The following RSF1 variants were observed in gnomAD, a reference collection of about 807,000 sequenced individuals.
The protein encoded by RSF1 is HBV pX-associated protein 8.
A neutral mutation model predicts 145.2 loss-of-function variants in RSF1; 13 were observed. That is an observed-to-expected ratio of 0.09 (90% CI 0.06 to 0.14). The LOEUF is 0.14. Ranked by LOEUF, RSF1 falls within the 10% of genes least tolerant of loss-of-function variation. The probability of loss-of-function intolerance (pLI) is 1.00; values close to 1 mark genes in which losing one functional copy is unlikely to be tolerated. For missense variants in RSF1, 1,517 were observed against 1,718.2 expected, an observed-to-expected ratio of 0.88 and a Z score of 2.07; for synonymous variants, 577 against 592.6, an observed-to-expected ratio of 0.97 and a Z score of 0.38.
chr11:77,802,603 G>A (rs1457693683), intron 1 of RSF1, among the ~76,000 whole-genome samples: 1 of 152,102 alleles, frequency 6.6e-6, no homozygotes, highest in Non-Finnish European at 1.5e-5. Context: ...GAATGCAATG[G>A]CGCGATCTCA....
chr11:77,671,139 ATATATATATAT>A (rs1344843676), intron 15 of RSF1, among the ~76,000 whole-genome samples: 1 of 7,252 alleles, frequency 1.4e-4, no homozygotes, highest in Non-Finnish European at 2.0e-4. Flanking sequence ...AAAAAAAAAA[ATATATATATAT>A]ATATATATAT....
intron 1 of RSF1, among the ~76,000 whole-genome samples, chr11:77,790,146 G>A (rs1590888739): frequency 6.6e-6 from 1 of 152,168 alleles, no homozygotes; most frequent in African/African-American, 2.4e-5. Flanking sequence ...ACCTGAGACT[G>A]GACAATTTAC....
At chr11:77,729,486 TAGG>T (rs1961142743) in intron 4 of RSF1, among the ~76,000 whole-genome samples, 1 of 151,636 alleles carries the variant, frequency 6.6e-6, no homozygotes, top group Admixed American at 6.6e-5. Flanking sequence ...TCTCCCAGCC[TAGG>T]AGTTGTTCAG....
intron 1 of RSF1, among the ~76,000 whole-genome samples, chr11:77,788,355 C>A: frequency 6.7e-6 from 1 of 150,076 alleles, no homozygotes. Flanking sequence ...GACTATAATC[C>A]ATATGTTCAA....
rs561561596 is a variant in RSF1, at chr11:77,729,595, A to C, written c.579-3896T>G. Among the ~76,000 whole-genome samples the C allele has an allele frequency of 7.6e-5, 11 of 144,624 alleles. No homozygotes were observed. The South Asian group carries it at 1.1e-3, about 14-fold the overall frequency. 94.9% of individuals were successfully genotyped at this position (144,624 alleles called of 152,430 possible). A position where few individuals can be genotyped will look rare whatever the true frequency, so the allele number is the denominator to read the frequency against. On this transcript the variant is annotated intron_variant, in intron 4 of 15. Transcript: ENST00000308488. ...GACGCCCCTGAACCCCAACCCCACA[A>C]AAAAAAAAAAGTCAAGTATAGGCAT...
intron 4 of RSF1, among the ~76,000 whole-genome samples, chr11:77,735,888 C>T (rs754705418): frequency 9.9e-5 from 15 of 152,140 alleles, no homozygotes; most frequent in Admixed American, 2.0e-4. Flanking sequence ...TACAGGCACA[C>T]GCCACAATGC....
rs1276406157 is a variant in RSF1, at chr11:77,661,715, T to A, written c.*5202A>T. The A allele has an allele frequency of 3.9e-5, 6 of 151,912 alleles. No individual in the cohort carries two copies. Among genetic ancestry groups the A allele is most frequent in the African/African-American group, 1.5e-4 (6 of 41,338 alleles). 9.4% of individuals were successfully genotyped at this position (151,912 alleles called of 1,614,324 possible). The stretch of plus-strand genomic sequence containing the variant: ...TTCCCACCTCCCATCCCTTAAAAGC[T>A]GTACAGTTATTTTTTTTAAAAAAAG... On this transcript the variant is annotated 3_prime_UTR_variant, in exon 16 of 16. Coordinates refer to ENST00000308488, the MANE Select transcript of RSF1 (RefSeq NM_016578.4).
At chr11:77,722,462 C>T (rs760425088) in intron 5 of RSF1, among the ~76,000 whole-genome samples, 113 of 152,204 alleles carry the variant, frequency 7.4e-4, no homozygotes, top group Non-Finnish European at 1.4e-3. Context: ...CAGCAGACAG[C>T]CAAGACCCAC....
At chr11:77,787,371 T>C (rs1379359912) in intron 1 of RSF1, among the ~76,000 whole-genome samples, 2 of 152,074 alleles carry the variant, frequency 1.3e-5, no homozygotes, top group Non-Finnish European at 2.9e-5. Flanking sequence ...CATTATTAAA[T>C]GGCTGAAAAA....
At chr11:77,731,264 T>C (rs1341611723) in intron 4 of RSF1, among the ~76,000 whole-genome samples, 3 of 152,160 alleles carry the variant, frequency 2.0e-5, no homozygotes, top group South Asian at 2.1e-4. Flanking sequence ...CCCTAGAGAT[T>C]TGTGGAACTT....
chr11:77,756,894 A>T (rs1948121519), intron 2 of RSF1, among the ~76,000 whole-genome samples: 1 of 152,240 alleles, frequency 6.6e-6, no homozygotes, highest in South Asian at 2.1e-4. Context: ...AGAATTTCAG[A>T]ATCCAGAGAG....
intron 11 of RSF1, among the ~76,000 whole-genome samples, chr11:77,678,688 G>GAGA (rs1959779069): frequency 1.3e-5 from 2 of 152,138 alleles, no homozygotes; most frequent in Non-Finnish European, 2.9e-5. Context: ...AAGCCAGAGA[G>GAGA]AGACCCTTTG....
At chr11:77,808,206 T>C (rs141337302) in intron 1 of RSF1, among the ~76,000 whole-genome samples, 1 of 151,974 alleles carries the variant, frequency 6.6e-6, no homozygotes, top group Non-Finnish European at 1.5e-5. Flanking sequence ...TGATGGTGCG[T>C]GCCTGTACTC....
chr11:77,813,353 C>A (rs1269493542), intron 1 of RSF1: 3 of 941,014 alleles, frequency 3.2e-6, no homozygotes, highest in East Asian at 4.8e-5. Context: ...CACCTCAACT[C>A]CCGGCTCAAA....
intron 1 of RSF1, among the ~76,000 whole-genome samples, chr11:77,797,111 T>G (rs1948580261): frequency 6.6e-6 from 1 of 152,152 alleles, no homozygotes. Context: ...TTCAATGCTA[T>G]CCCCATCAAG....
intron 1 of RSF1, among the ~76,000 whole-genome samples, chr11:77,779,531 C>A (rs969909282): frequency 6.6e-6 from 1 of 151,912 alleles, no homozygotes; most frequent in Non-Finnish European, 1.5e-5. Context: ...TACAGGCATG[C>A]GCCACCACGC....
intron 1 of RSF1, among the ~76,000 whole-genome samples, chr11:77,791,374 C>A (rs370631284): frequency 1.9e-4 from 29 of 152,144 alleles, no homozygotes; most frequent in African/African-American, 6.8e-4. Flanking sequence ...TGGGCCAGTG[C>A]TGGGATGGGA....
intron 1 of RSF1, among the ~76,000 whole-genome samples, chr11:77,788,185 T>A (rs867911121): frequency 0.027 from 1,351 of 50,754 alleles, no homozygotes; most frequent in Middle Eastern, 0.057. Flanking sequence ...AAATTAGGGG[T>A]AAAAAAAAAA....
chr11:77,847,234 T>TC, the RSF1 span, among the ~76,000 whole-genome samples: 1 of 152,202 alleles, frequency 6.6e-6, no homozygotes, highest in East Asian at 1.9e-4. Flanking sequence ...GATTTCCAAC[T>TC]CCCCCTTCAC....
Sources: allele counts gnomAD v4.1 joint callset (sites outside exome capture counted in the v4.1 genomes callset), GRCh38; gene constraint gnomAD v4.1.1; transcripts MANE v1.5; gene names NCBI Gene and HGNC (gene_info 2026-07-23, HGNC 2026-07-21).